Variants in PDE3B observed in about 807,000 individuals in gnomAD.
PDE3B encodes phosphodiesterase 3B, also known as cGMP-inhibited 3',5'-cyclic phosphodiesterase 3B.
A neutral mutation model predicts 116.8 loss-of-function variants in PDE3B; 66 were observed. The observed-to-expected ratio is 0.56, with a 90% CI of 0.46 to 0.69. The LOEUF (loss-of-function observed/expected upper bound fraction) is 0.69, where lower values mean the gene tolerates loss of function less well. Among genes scored for constraint, PDE3B ranks in the 30% least tolerant of loss-of-function variants. The pLI is 0.00. For synonymous variants in PDE3B, 595 were observed against 533.6 expected (o/e 1.12, Z -1.59); for missense variants, 1,384 against 1,368.1 (o/e 1.01, Z -0.18).
At chr11:14,747,223 C>T (rs563384137) in intron 1 of PDE3B, among the ~76,000 whole-genome samples, 15 of 152,316 alleles carry the variant, frequency 9.8e-5, no homozygotes, top group African/African-American at 3.1e-4. Flanking sequence ...ATCTAGTCAC[C>T]TCCCAGCAGG....
intron 1 of PDE3B, among the ~76,000 whole-genome samples, chr11:14,718,695 C>G: frequency 6.6e-6 from 1 of 150,398 alleles, no homozygotes; most frequent in Non-Finnish European, 1.5e-5. Flanking sequence ...GAAATGAAGG[C>G]AGAAATAAAG....
chr11:14,763,298 G>A (rs1857411248), intron 1 of PDE3B, among the ~76,000 whole-genome samples: 1 of 152,044 alleles, frequency 6.6e-6, no homozygotes, highest in Non-Finnish European at 1.5e-5. Flanking sequence ...TGAAGAGTGA[G>A]ACTTGACCAT....
intron 1 of PDE3B, among the ~76,000 whole-genome samples, chr11:14,725,337 C>G (rs1856267279): frequency 7.1e-6 from 1 of 139,958 alleles, no homozygotes; most frequent in Non-Finnish European, 1.6e-5. Context: ...CTTTTTCTTT[C>G]TTTCTTTCTT....
At chr11:14,759,564 T>TG (rs1857295616) in intron 1 of PDE3B, among the ~76,000 whole-genome samples, 1 of 151,420 alleles carries the variant, frequency 6.6e-6, no homozygotes, top group African/African-American at 2.4e-5. Context: ...TTTTTTTTTT[T>TG]TTTGAGACAG....
intron 1 of PDE3B, among the ~76,000 whole-genome samples, chr11:14,712,036 G>C (rs1472921994): frequency 6.6e-6 from 1 of 152,210 alleles, no homozygotes; most frequent in African/African-American, 2.4e-5. Flanking sequence ...AAGAATGGCT[G>C]TAGGGGATAG....
At chr11:14,807,043 TG>T (rs1465342715) in intron 5 of PDE3B, among the ~76,000 whole-genome samples, 1 of 151,368 alleles carries the variant, frequency 6.6e-6, no homozygotes, top group African/African-American at 2.4e-5. Context: ...CACTCATAAG[TG>T]GGAGTTGAAA....
intron 1 of PDE3B, among the ~76,000 whole-genome samples, chr11:14,703,977 C>A (rs1855452251): frequency 6.6e-6 from 1 of 151,474 alleles, no homozygotes; most frequent in African/African-American, 2.4e-5. Context: ...GTTTTTTCTT[C>A]CTTAAATCTT....
chr11:14,851,042 C>G (rs187072227), intron 12 of PDE3B, among the ~76,000 whole-genome samples: 115 of 141,998 alleles, frequency 8.1e-4, no homozygotes, highest in Middle Eastern at 4.0e-3. Flanking sequence ...CCGGGATGGT[C>G]TCGATCTCTT....
chr11:14,787,393 C>T (rs1227966759), intron 3 of PDE3B, among the ~76,000 whole-genome samples: 1 of 151,896 alleles, frequency 6.6e-6, no homozygotes, highest in Non-Finnish European at 1.5e-5. Context: ...TTATTTTACT[C>T]AACCACTTTA....
At chr11:14,664,796 G>C (rs1854071801) in intron 1 of PDE3B, among the ~76,000 whole-genome samples, 1 of 152,146 alleles carries the variant, frequency 6.6e-6, no homozygotes, top group Non-Finnish European at 1.5e-5. Flanking sequence ...ACCAAAAAGA[G>C]TCCAGGACCA....
intron 1 of PDE3B, among the ~76,000 whole-genome samples, chr11:14,695,154 A>G (rs1402732756): frequency 6.6e-6 from 1 of 151,970 alleles, no homozygotes; most frequent in Non-Finnish European, 1.5e-5. Flanking sequence ...TTCCATTTCT[A>G]TTTTATGAAA....
rs781835157 is a variant in PDE3B, at chr11:14,871,348, T to C, written c.*1688T>C. On this transcript the variant is annotated 3_prime_UTR_variant, in exon 16 of 16. Transcript: ENST00000282096. ...AACCAGTCCCACCACTTATTACTAA[T>C]AAAATTTTGACTGATAATTTATATT... 13 of 152,172 alleles carry C rather than the reference T, an allele frequency of 8.5e-5. No homozygotes were observed. Among genetic ancestry groups the C allele is most frequent in the Non-Finnish European group, 1.2e-4 (8 of 68,002 alleles). The allele number at this position is 152,172 out of a possible 1,614,324, so 9.4% of individuals were successfully genotyped here.
chr11:14,757,573 A>G (rs1228343630), intron 1 of PDE3B, among the ~76,000 whole-genome samples: 1 of 123,822 alleles, frequency 8.1e-6, no homozygotes, highest in African/African-American at 3.3e-5. Context: ...GCATTTTTTC[A>G]TGTGTTTTTT....
intron 1 of PDE3B, among the ~76,000 whole-genome samples, chr11:14,704,628 G>A (rs1855475855): frequency 2.0e-5 from 3 of 151,672 alleles, no homozygotes; most frequent in Admixed American, 2.0e-4. Flanking sequence ...TTTGGCAAAG[G>A]TGGTAGGGCA....
rs182520553 is a variant in PDE3B at position 14,724,413 on chromosome 11, G to A, written c.979-47524G>A. Among the ~76,000 whole-genome samples the A allele has an allele frequency of 1.2e-3, 182 of 152,258 alleles. 1 individual carries two copies. Among genetic ancestry groups the A allele is most frequent in the Middle Eastern group, 3.4e-3 (1 of 294 alleles). ...TTTGGAATGTTGAGAAAGATGTACA[G>A]GTTGAACATCCCTAATCTGAAAATC... is the stretch of plus-strand genomic sequence containing the variant. On this transcript the variant is annotated intron_variant, in intron 1 of 15. Coordinates refer to ENST00000282096, the MANE Select transcript of PDE3B (RefSeq NM_000922.4).
downstream of PDE3B, among the ~76,000 whole-genome samples, chr11:14,874,845 A>G (rs959075080): frequency 4.6e-5 from 7 of 152,192 alleles, no homozygotes; most frequent in African/African-American, 1.7e-4. Flanking sequence ...AATTAAATGT[A>G]TTCAGTGCTC....
intron 1 of PDE3B, among the ~76,000 whole-genome samples, chr11:14,647,559 A>G (rs1853444952): frequency 2.0e-5 from 3 of 152,024 alleles, no homozygotes; most frequent in Admixed American, 2.0e-4. Flanking sequence ...TTGAATGTTG[A>G]CCTTGCTAAC....
At chr11:14,661,998 G>A (rs564233899) in intron 1 of PDE3B, among the ~76,000 whole-genome samples, 4 of 152,286 alleles carry the variant, frequency 2.6e-5, no homozygotes, top group South Asian at 2.1e-4. Flanking sequence ...CGGGCAGACT[G>A]CCTCCTCAAG....
chr11:14,694,792 A>G (rs1855154591), intron 1 of PDE3B, among the ~76,000 whole-genome samples: 2 of 152,152 alleles, frequency 1.3e-5, no homozygotes, highest in Admixed American at 6.6e-5. Context: ...ATGTGAACCA[A>G]ATAAGTTATA....
Sources: gnomAD v4.1 joint callset for allele counts (sites outside exome capture counted in the v4.1 genomes callset) on GRCh38, gnomAD v4.1.1 for gene constraint, MANE v1.5 for transcripts, NCBI Gene and HGNC (gene_info 2026-07-23, HGNC 2026-07-21) for gene names.